The following F13A1 variants were observed in gnomAD, a reference collection of about 807,000 sequenced individuals.
F13A1 encodes the protein FSF, A subunit.
Under a neutral mutation model 80.1 loss-of-function variants are expected in F13A1, and 47 were observed. That is an observed-to-expected ratio of 0.59 (90% confidence interval 0.46 to 0.75). The LOEUF (loss-of-function observed/expected upper bound fraction) is 0.75, where lower values mean the gene tolerates loss of function less well. Among genes scored for constraint, F13A1 ranks in the 30% least tolerant of loss-of-function variants. The pLI, the probability that F13A1 is intolerant of heterozygous loss-of-function variation, is 0.00. For missense variants in F13A1, 817 were observed against 930.4 expected, an observed-to-expected ratio of 0.88 and a Z score of 1.59; for synonymous variants, 349 against 344.9, an observed-to-expected ratio of 1.01 and a Z score of -0.13.
chr6:6,147,808 A>G (rs751229632), intron 14 of F13A1, among the ~76,000 whole-genome samples: 23 of 152,390 alleles, frequency 1.5e-4, no homozygotes, highest in South Asian at 4.1e-4. Flanking sequence ...ATACGTATGC[A>G]TGCTATTTTA....
intron 6 of F13A1, among the ~76,000 whole-genome samples, chr6:6,230,066 G>A (rs1757329355): frequency 1.3e-5 from 2 of 152,202 alleles, no homozygotes; most frequent in African/African-American, 4.8e-5. Context: ...GAACTTTGTA[G>A]CAATTTGAAT....
At chr6:6,318,237 G>A (rs949501701) in intron 2 of F13A1, among the ~76,000 whole-genome samples, 1 of 152,228 alleles carries the variant, frequency 6.6e-6, no homozygotes, top group African/African-American at 2.4e-5. Flanking sequence ...AGAGGCCCTA[G>A]CTAATCCAGC....
chr6:6,313,226 TC>T (rs1561688663), intron 2 of F13A1, among the ~76,000 whole-genome samples: 1 of 151,778 alleles, frequency 6.6e-6, no homozygotes, highest in Non-Finnish European at 1.5e-5. Context: ...TGAATTTGCT[TC>T]CCCTGTCCAA....
chr6:6,179,915 T>C (rs1760950906), intron 11 of F13A1, among the ~76,000 whole-genome samples: 1 of 152,158 alleles, frequency 6.6e-6, no homozygotes, highest in East Asian at 1.9e-4. Context: ...TGACTCCTGT[T>C]TCGTGGACTG....
rs370590980 is a variant in F13A1 at position 6,182,162 on chromosome 6, C to T, written c.1306-21G>A. On this transcript the variant is annotated intron_variant, in intron 10 of 14. Transcript: ENST00000264870. ...TTGACCTGGAAACAGGAGAGGAGAG[C>T]ATTAGCCATCATCACATGTCTGCTG... The T allele has an allele frequency of 1.1e-4, 185 of 1,613,260 alleles. 2 individuals carry two copies. Among genetic ancestry groups the T allele is most frequent in the South Asian group, 4.3e-4 (39 of 91,072 alleles).
intron 10 of F13A1, among the ~76,000 whole-genome samples, chr6:6,187,929 A>G (rs1481891936): frequency 6.8e-6 from 1 of 147,520 alleles, no homozygotes; most frequent in African/African-American, 2.5e-5. Flanking sequence ...CAGAGATTCA[A>G]CTTCTTCCTG....
In F13A1 at chr6:6,318,687, A is replaced by C. The variant is rs1758724864; in HGVS notation, c.-18-5T>G. The C allele has an allele frequency of 4.6e-6, 7 of 1,515,722 alleles. No homozygotes were observed. In the East Asian group the frequency reaches 1.7e-4, roughly 37 times the overall value. The allele number at this position is 1,515,722 out of a possible 1,614,324, so 93.9% of individuals were successfully genotyped here. On this transcript the variant is annotated splice_polypyrimidine_tract_variant and splice_region_variant and intron_variant, in intron 1 of 14. Coordinates refer to ENST00000264870, the MANE Select transcript of F13A1 (RefSeq NM_000129.4). ...CATTTTTGACTTTACAAGGTCCTTC[A>C]GAAAAAAAAAAAAAAGAAGACAACA...
rs114525878 is a variant in F13A1 at position 6,242,600 on chromosome 6, A to G, written c.798+5712T>C. 1.0e-2 allele frequency among the ~76,000 whole-genome samples: 1,517 copies of G among 152,302 alleles called. 26 individuals are homozygous for G. The highest frequency in any genetic ancestry group is 0.034 in the African/African-American group (1,395 of 41,542). On this transcript the variant is annotated intron_variant, in intron 6 of 14. Transcript: ENST00000264870. ...TTTCTTACTACAACTGAATCAGAAT[A>G]CCATGGATCAAGTAACTGTAAATGT...
At chr6:6,158,387 C>A (rs1362752920) in intron 13 of F13A1, among the ~76,000 whole-genome samples, 1 of 152,042 alleles carries the variant, frequency 6.6e-6, no homozygotes, top group Non-Finnish European at 1.5e-5. Context: ...TGGGGTGACT[C>A]AATGTAATAT....
At chr6:6,213,116 T>C (rs1350565964) in intron 8 of F13A1, among the ~76,000 whole-genome samples, 1 of 152,126 alleles carries the variant, frequency 6.6e-6, no homozygotes, top group Non-Finnish European at 1.5e-5. Context: ...CAGGATACTA[T>C]CCAGGAGAAT....
intron 6 of F13A1, among the ~76,000 whole-genome samples, chr6:6,240,835 T>C (rs1757474872): frequency 6.6e-6 from 1 of 152,234 alleles, no homozygotes; most frequent in Non-Finnish European, 1.5e-5. Flanking sequence ...TCATTCATCA[T>C]TGAATTCCCT....
intron 6 of F13A1, among the ~76,000 whole-genome samples, chr6:6,225,500 TTCTCTCTC>T (rs149464781): frequency 6.9e-6 from 1 of 145,942 alleles, no homozygotes; most frequent in Non-Finnish European, 1.5e-5. Context: ...TTCTTTTCTT[TTCTCTCTC>T]TCTCTCTCTT....
intron 3 of F13A1, among the ~76,000 whole-genome samples, chr6:6,270,338 G>A (rs1029367647): frequency 6.6e-6 from 1 of 152,172 alleles, no homozygotes. Context: ...GCAAACATCT[G>A]TACTACTAGT....
At chr6:6,182,503 G>A (rs1761005702) in intron 10 of F13A1, among the ~76,000 whole-genome samples, 1 of 152,152 alleles carries the variant, frequency 6.6e-6, no homozygotes, top group South Asian at 2.1e-4. Context: ...GCTAACTGTG[G>A]CTATGTGACC....
Position 6,145,407 on chromosome 6 carries a change from G to C in F13A1, c.*212C>G. On this transcript the variant is annotated 3_prime_UTR_variant, in exon 15 of 15. Coordinates refer to ENST00000264870, the MANE Select transcript of F13A1 (RefSeq NM_000129.4). The stretch of plus-strand genomic sequence containing the variant: ...GCTAATGCTTAGCACTCTTTGGAAG[G>C]TGGAGAGATTAAAAACTAACTTCCT... The C allele has an allele frequency of 1.6e-6, 1 of 625,050 alleles. No homozygotes were observed. The highest frequency in any genetic ancestry group is 1.8e-5 in the South Asian group (1 of 54,642). 38.7% of individuals were successfully genotyped at this position (625,050 alleles called of 1,614,324 possible).
intron 8 of F13A1, among the ~76,000 whole-genome samples, chr6:6,218,555 T>C (rs989506013): frequency 1.4e-4 from 21 of 152,134 alleles, no homozygotes; most frequent in African/African-American, 5.1e-4. Flanking sequence ...TACCCTGGGA[T>C]CTAATTACTC....
At chr6:6,186,679 T>C (rs1761085439) in intron 10 of F13A1, among the ~76,000 whole-genome samples, 2 of 152,232 alleles carry the variant, frequency 1.3e-5, no homozygotes, top group South Asian at 2.1e-4. Context: ...TTTGTTCTTT[T>C]GGCTTAGGAT....
chr6:6,155,521 A>G (rs959948658), intron 13 of F13A1, among the ~76,000 whole-genome samples: 12 of 152,128 alleles, frequency 7.9e-5, no homozygotes, highest in Non-Finnish European at 1.5e-4. Context: ...ATTAACAAAG[A>G]CCAGTGTCCC....
In F13A1 at chr6:6,182,087, C is replaced by T. The variant is rs573785951; in HGVS notation, c.1360G>A (p.Glu454Lys). The T allele has an allele frequency of 3.7e-6, 6 of 1,614,066 alleles. No individual in the cohort carries two copies. The highest frequency in any genetic ancestry group is 5.1e-6 in the Non-Finnish European group (6 of 1,180,024). The change falls in exon 11 of 15, where the codon GAA becomes AAA. Residue 454 changes from glutamate to lysine, a missense_variant. By Grantham distance (56) the Glu-to-Lys change is moderately conservative. Coordinates refer to ENST00000264870, the MANE Select transcript of F13A1 (RefSeq NM_000129.4). ...CCAATGTGGGTGGCATCCACATTTTCCACCACATGAGTGCCATCTTTCTTA... is the reference window on the plus strand; with the variant it reads ...CCAATGTGGGTGGCATCCACATTTTTCACCACATGAGTGCCATCTTTCTTA... ...TAKKDGTHVVENVDATHIGKL... is the reference protein window; with the variant it reads ...TAKKDGTHVVKNVDATHIGKL...
Sources: gnomAD v4.1 joint callset for allele counts (sites outside exome capture counted in the v4.1 genomes callset) on GRCh38, gnomAD v4.1.1 for gene constraint, MANE v1.5 for transcripts, NCBI Gene and HGNC (gene_info 2026-07-23, HGNC 2026-07-21) for gene names.